Variants in KDM4C observed in about 807,000 individuals in gnomAD.
The protein encoded by KDM4C is lysine-specific demethylase 4C.
A neutral mutation model predicts 129.3 loss-of-function variants in KDM4C; 81 were observed. That is an observed-to-expected ratio of 0.63 (90% CI 0.52 to 0.75). The LOEUF (loss-of-function observed/expected upper bound fraction) is 0.75, where lower values mean the gene tolerates loss of function less well. Among genes scored for constraint, KDM4C ranks in the 30% least tolerant of loss-of-function variants. KDM4C has a pLI of 0.00. For synonymous variants in KDM4C, 573 were observed against 456.1 expected, an observed-to-expected ratio of 1.26 and a Z score of -3.26; for missense variants, 1,457 against 1,304.0, an observed-to-expected ratio of 1.12 and a Z score of -1.81.
At chr9:6,843,574 A>C (rs10119053) in intron 4 of KDM4C, among the ~76,000 whole-genome samples, 4 of 151,960 alleles carry the variant, frequency 2.6e-5, no homozygotes, top group Non-Finnish European at 5.9e-5. Context: ...TTGTGGCCCA[A>C]TTTGCAGCAC....
At chr9:6,981,792 AT>A (rs1010494670) in intron 9 of KDM4C, 21 of 239,472 alleles carry the variant, frequency 8.8e-5, no homozygotes, top group African/African-American at 4.3e-4. Flanking sequence ...ATGTTTTCCA[AT>A]TTTATGTTAA....
intron 1 of KDM4C, chr9:6,748,840 T>C (rs1817973705): frequency 8.8e-7 from 1 of 1,134,484 alleles, no homozygotes; most frequent in Non-Finnish European, 1.3e-6. Flanking sequence ...TCAAAACCAA[T>C]GATACAGCCT....
chr9:6,920,512 G>A (rs1286034978), intron 8 of KDM4C, among the ~76,000 whole-genome samples: 3 of 150,946 alleles, frequency 2.0e-5, no homozygotes, highest in African/African-American at 4.9e-5. Flanking sequence ...GCAGTGAGCC[G>A]AGATCGTTCC....
intron 1 of KDM4C, among the ~76,000 whole-genome samples, chr9:6,788,978 A>G (rs1168629967): frequency 6.6e-6 from 1 of 152,032 alleles, no homozygotes; most frequent in African/African-American, 2.4e-5. Flanking sequence ...TTGGAGTGTA[A>G]AGTACAGTGC....
chr9:7,027,602 C>T (rs1336399694), intron 15 of KDM4C, among the ~76,000 whole-genome samples: 1 of 152,166 alleles, frequency 6.6e-6, no homozygotes, highest in Admixed American at 6.5e-5. Context: ...CTACCAGATA[C>T]TATGTTTGCT....
rs115890103 is a variant in KDM4C, at chr9:6,967,686, C to T, written c.922-13239C>T. On this transcript the variant is annotated intron_variant, in intron 8 of 21. Transcript: ENST00000381309. ...TTGCAATCTCTTTTTACTTTCTCTG[C>T]CTTATAATCTCTGTAAGTTTTCTCA... Among the ~76,000 whole-genome samples the T allele has an allele frequency of 9.7e-3, 1,479 of 152,234 alleles. 27 individuals carry two copies. Among genetic ancestry groups the T allele is most frequent in the African/African-American group, 0.033 (1,380 of 41,526 alleles).
intron 8 of KDM4C, among the ~76,000 whole-genome samples, chr9:6,974,222 C>A (rs777872693): frequency 2.6e-5 from 4 of 152,070 alleles, no homozygotes; most frequent in Admixed American, 2.6e-4. Flanking sequence ...GTGTTAACTT[C>A]GTCATTGAAA....
At chr9:6,765,470 G>A (rs992166784) in intron 1 of KDM4C, among the ~76,000 whole-genome samples, 5 of 152,110 alleles carry the variant, frequency 3.3e-5, no homozygotes, top group African/African-American at 1.2e-4. Flanking sequence ...ACACTTAGTG[G>A]TTTATAATTG....
In KDM4C at chr9:6,950,042, G is replaced by GTT. The variant is rs35466020; in HGVS notation, c.922-30868_922-30867dup. On this transcript the variant is annotated intron_variant, in intron 8 of 21. Transcript: ENST00000381309. ...ACTTCTCTGGCCACCCATGTGGCTG[G>GTT]TTTTTTTTTTTTTTTTGGTGGAGTA... Among the ~76,000 whole-genome samples the GTT allele has an allele frequency of 1.6e-3, 198 of 122,596 alleles. 1 individual carries two copies. The highest frequency in any genetic ancestry group is 4.9e-3 in the Middle Eastern group (1 of 206). The allele number at this position is 122,596 out of a possible 152,430, so 80.4% of individuals were successfully genotyped here.
chr9:7,000,488 A>G (rs568508164), intron 12 of KDM4C, among the ~76,000 whole-genome samples: 9 of 152,208 alleles, frequency 5.9e-5, no homozygotes, highest in African/African-American at 1.9e-4. Flanking sequence ...ATGCCTTGTT[A>G]TTTTTTTAAA....
At chr9:7,059,200 A>G (rs1031929165) in intron 17 of KDM4C, among the ~76,000 whole-genome samples, 17 of 152,146 alleles carry the variant, frequency 1.1e-4, no homozygotes, top group African/African-American at 3.9e-4. Context: ...CCCAGGTGGG[A>G]GTGCAGTGGC....
intron 12 of KDM4C, among the ~76,000 whole-genome samples, chr9:6,995,565 G>C (rs1223806269): frequency 6.6e-6 from 1 of 152,140 alleles, no homozygotes; most frequent in African/African-American, 2.4e-5. Context: ...TCCAATATAA[G>C]GTTAAGTGGT....
At chr9:6,834,333 G>T (rs1031400104) in intron 4 of KDM4C, 2 of 300,622 alleles carry the variant, frequency 6.7e-6, no homozygotes, top group Non-Finnish European at 1.3e-5. Context: ...ACCCCATCTG[G>T]CCGATAGTCT....
chr9:6,729,819 C>T lies in KDM4C; in HGVS notation c.49+8822C>T, dbSNP rs935037251. On this transcript the variant is annotated intron_variant, in intron 1 of 17. Transcript: ENST00000536108. Reference sequence around the variant, plus strand: ...ACGAGATAAAAAAGGCTTAATAAAGCCTTCCTTAGGCCGGGCATGGTGGCT... The same window carrying T: ...ACGAGATAAAAAAGGCTTAATAAAGTCTTCCTTAGGCCGGGCATGGTGGCT... Among the ~76,000 whole-genome samples the T allele has an allele frequency of 6.7e-5, 9 of 133,780 alleles. 1 individual carries two copies. Among genetic ancestry groups the T allele is most frequent in the Non-Finnish European group, 1.4e-4 (9 of 65,262 alleles). The allele number at this position is 133,780 out of a possible 152,430, so 87.8% of individuals were successfully genotyped here.
At chr9:6,894,190 G>A (rs1342801770) in intron 8 of KDM4C, among the ~76,000 whole-genome samples, 3 of 152,190 alleles carry the variant, frequency 2.0e-5, no homozygotes, top group Non-Finnish European at 2.9e-5. Context: ...ATTTACCTGT[G>A]TATTTAGAAA....
At chr9:7,100,958 G>C (rs943808498) in intron 17 of KDM4C, among the ~76,000 whole-genome samples, 5 of 151,944 alleles carry the variant, frequency 3.3e-5, no homozygotes, top group Non-Finnish European at 7.4e-5. Context: ...GTTTCCCATG[G>C]TCTAGGAATT....
chr9:6,803,045 G>A (rs955900347), intron 2 of KDM4C, among the ~76,000 whole-genome samples: 2 of 152,150 alleles, frequency 1.3e-5, no homozygotes, highest in Non-Finnish European at 2.9e-5. Context: ...TAAAACTAAA[G>A]CCCAGCAATG....
intron 15 of KDM4C, among the ~76,000 whole-genome samples, chr9:7,024,892 C>T (rs1249352976): frequency 1.3e-5 from 2 of 152,154 alleles, no homozygotes; most frequent in Non-Finnish European, 2.9e-5. Context: ...AGTTCTAGAT[C>T]CCTGAGGAAT....
Position 7,129,851 on chromosome 9 carries a change from A to G in KDM4C, c.2781+1615A>G, listed in dbSNP as rs79928781. 3.9e-3 allele frequency among the ~76,000 whole-genome samples: 588 copies of G among 152,328 alleles called. 5 individuals carry two copies. The highest frequency in any genetic ancestry group is 0.013 in the African/African-American group (551 of 41,578). On this transcript the variant is annotated intron_variant, in intron 19 of 21. Transcript: ENST00000381309. The stretch of plus-strand genomic sequence containing the variant: ...ATCCTCATAACCCTACACACTAGGC[A>G]CTATAATTTTTCACATTTTGCTGTT...
Sources: gnomAD v4.1 joint callset for allele counts (sites outside exome capture counted in the v4.1 genomes callset) on GRCh38, gnomAD v4.1.1 for gene constraint, MANE v1.5 for transcripts, NCBI Gene and HGNC (gene_info 2026-07-23, HGNC 2026-07-21) for gene names.